The following LEF1 variants were observed in gnomAD, a reference collection of about 807,000 sequenced individuals.
LEF1 encodes the protein lymphoid enhancer binding factor 1, also known as lymphoid enhancer-binding factor 1.
In LEF1, 14 loss-of-function variants were observed where a neutral mutation model predicts 51.2. The observed-to-expected ratio is 0.27, with a 90% CI of 0.18 to 0.43. The LOEUF is 0.43. LEF1 is among the 20% of genes least tolerant of loss of function. The pLI is 1.00. For missense variants in LEF1, 386 were observed against 512.0 expected (o/e 0.75, Z 2.37); for synonymous variants, 185 against 183.2 (o/e 1.01, Z -0.08).
Position 108,099,614 on chromosome 4 carries a change from AT to A in LEF1, c.415-10358del, listed in dbSNP as rs1740672155. 1.0e-4 allele frequency among the ~76,000 whole-genome samples: 13 copies of A among 124,726 alleles called. No individual in the cohort carries two copies. In the East Asian group the frequency reaches 1.4e-3, roughly 13 times the overall value. 81.8% of individuals were successfully genotyped at this position (124,726 alleles called of 152,430 possible). A position where few individuals can be genotyped will look rare whatever the true frequency, so the allele number is the denominator to read the frequency against. Reference sequence around the variant, plus strand: ...TATATATATATATATATATATATATATATAAATAATACTTGAAATTATGGGG... The same window carrying A: ...TATATATATATATATATATATATATAATAAATAATACTTGAAATTATGGGG... On this transcript the variant is annotated intron_variant, in intron 3 of 11. Coordinates refer to ENST00000265165, the MANE Select transcript of LEF1 (RefSeq NM_016269.5).
chr4:108,090,898 T>C (rs1295030540), intron 3 of LEF1, among the ~76,000 whole-genome samples: 1 of 152,222 alleles, frequency 6.6e-6, no homozygotes, highest in East Asian at 1.9e-4. Context: ...AACACAATTA[T>C]ATACCTGTTA....
chr4:108,159,729 C>A (rs527775984), intron 3 of LEF1, among the ~76,000 whole-genome samples: 1 of 152,304 alleles, frequency 6.6e-6, no homozygotes, highest in East Asian at 1.9e-4. Context: ...AGGTATAATT[C>A]TGTTTAATAG....
At chr4:108,121,620 G>C (rs1742186189) in intron 3 of LEF1, among the ~76,000 whole-genome samples, 1 of 152,104 alleles carries the variant, frequency 6.6e-6, no homozygotes, top group African/African-American at 2.4e-5. Flanking sequence ...TTCTGGCCAA[G>C]ATCTTAAAAA....
chr4:108,164,847 C>T (rs1219657512), intron 2 of LEF1, among the ~76,000 whole-genome samples: 3 of 151,994 alleles, frequency 2.0e-5, no homozygotes, highest in Non-Finnish European at 2.9e-5. Flanking sequence ...GTAGACATTC[C>T]CTCTTCCCAA....
At chr4:108,122,266 A>AT (rs1270879565) in intron 3 of LEF1, among the ~76,000 whole-genome samples, 5 of 152,160 alleles carry the variant, frequency 3.3e-5, no homozygotes, top group African/African-American at 7.2e-5. Context: ...TATAGATCTT[A>AT]AAGTTACATT....
chr4:108,163,779 T>C, intron 2 of LEF1, 78 bp from the exon 3 acceptor site: 1 of 1,460,768 alleles, frequency 6.8e-7, no homozygotes, highest in Non-Finnish European at 9.3e-7. Flanking sequence ...GAAAATCTAA[T>C]AGTTCTAAGA....
chr4:108,166,150 T>C, intron 1 of LEF1: 1 of 921,660 alleles, frequency 1.1e-6, no homozygotes, highest in East Asian at 3.0e-5. Flanking sequence ...TCACAAATCT[T>C]TTACGCGGGG....
chr4:108,049,852 CA>C (rs1312152180), intron 11 of LEF1, among the ~76,000 whole-genome samples: 1 of 152,246 alleles, frequency 6.6e-6, no homozygotes, highest in Non-Finnish European at 1.5e-5. Context: ...TGGCAAGTTA[CA>C]GTCCACAGAG....
At chr4:108,109,605 T>A (rs1009550532) in intron 3 of LEF1, among the ~76,000 whole-genome samples, 1 of 152,220 alleles carries the variant, frequency 6.6e-6, no homozygotes, top group African/African-American at 2.4e-5. Flanking sequence ...TAGCAAGTAC[T>A]ATGTAAGTGT....
chr4:108,145,385 C>T (rs1050888859), intron 3 of LEF1, among the ~76,000 whole-genome samples: 14 of 152,004 alleles, frequency 9.2e-5, no homozygotes, highest in Non-Finnish European at 1.3e-4. Flanking sequence ...ACCAAAATAA[C>T]GAGAAATTAT....
At chr4:108,157,296 G>T (rs1288406290) in intron 3 of LEF1, among the ~76,000 whole-genome samples, 1 of 151,660 alleles carries the variant, frequency 6.6e-6, no homozygotes, top group Non-Finnish European at 1.5e-5. Flanking sequence ...AGACTCCTGG[G>T]TTCAAGAGAT....
At chr4:108,126,992 C>G (rs1285278300) in intron 3 of LEF1, among the ~76,000 whole-genome samples, 1 of 151,716 alleles carries the variant, frequency 6.6e-6, no homozygotes, top group Non-Finnish European at 1.5e-5. Flanking sequence ...GAACAACGTT[C>G]GATACAATGT....
At chr4:108,148,482 T>C (rs1031167062) in intron 3 of LEF1, among the ~76,000 whole-genome samples, 12 of 152,164 alleles carry the variant, frequency 7.9e-5, no homozygotes, top group African/African-American at 2.9e-4. Flanking sequence ...GTGAGCAGGC[T>C]AGGCTCTGTT....
At chr4:108,157,179 T>TACACACACACACACACACACAC (rs59867246) in intron 3 of LEF1, among the ~76,000 whole-genome samples, 8 of 116,742 alleles carry the variant, frequency 6.9e-5, no homozygotes, top group Non-Finnish European at 8.5e-5. Context: ...TATATATATA[T>TACACACACACACACACACACAC]ACACACACAC....
At chr4:108,076,104 C>G (rs1339327203) in intron 8 of LEF1, among the ~76,000 whole-genome samples, 1 of 152,156 alleles carries the variant, frequency 6.6e-6, no homozygotes, top group Non-Finnish European at 1.5e-5. Context: ...TCTACCTCTC[C>G]CCATTCGTCT....
Position 108,083,269 on chromosome 4 carries a change from T to TA in LEF1, c.638+86dup. The TA allele has an allele frequency of 3.3e-6, 3 of 902,570 alleles. No homozygotes were observed. In the East Asian group the frequency reaches 7.2e-5, roughly 22 times the overall value. 55.9% of individuals were successfully genotyped at this position (902,570 alleles called of 1,614,324 possible). A position where few individuals can be genotyped will look rare whatever the true frequency, so the allele number is the denominator to read the frequency against. On this transcript the variant is annotated intron_variant, in intron 5 of 11. Transcript: ENST00000265165. ...GAAATTTCTTCAACTCCACAAGTGT[T>TA]ACCATTCATAAATCTAATTTCCATG...
chr4:108,164,747 T>G (rs939480082), intron 2 of LEF1, among the ~76,000 whole-genome samples: 3 of 152,196 alleles, frequency 2.0e-5, no homozygotes, highest in Non-Finnish European at 4.4e-5. Context: ...AATCGATATA[T>G]ACTGTCGTTC....
chr4:108,167,835 T>A lies in LEF1; in HGVS notation c.-68A>T. ...CGCAACAGCAGGAAAGACAGAGGGG[T>A]AACTCAAGGGTGGGGGAGGAAAGGA... On this transcript the variant is annotated 5_prime_UTR_variant, in exon 1 of 12. Coordinates refer to ENST00000265165, the MANE Select transcript of LEF1 (RefSeq NM_016269.5). This position sits in a 1 kb window ranked among gnomAD's most constrained non-coding sequence, Gnocchi z 5.7. The A allele has an allele frequency of 7.2e-7, 1 of 1,392,734 alleles. No homozygotes were observed. The highest frequency in any genetic ancestry group is 1.7e-5 in the Admixed American group (1 of 57,818). The allele number at this position is 1,392,734 out of a possible 1,614,324, so 86.3% of individuals were successfully genotyped here. A position where few individuals can be genotyped will look rare whatever the true frequency, so the allele number is the denominator to read the frequency against.
At chr4:108,134,343 G>A (rs1743106314) in intron 3 of LEF1, among the ~76,000 whole-genome samples, 1 of 152,150 alleles carries the variant, frequency 6.6e-6, no homozygotes, top group Non-Finnish European at 1.5e-5. Context: ...TATCCACTGT[G>A]CCTCCACACG....
Sources: gnomAD v4.1 joint callset for allele counts (sites outside exome capture counted in the v4.1 genomes callset) on GRCh38, gnomAD v4.1.1 for gene constraint, Gnocchi (gnomAD v3.1) non-coding constraint, MANE v1.5 for transcripts, NCBI Gene and HGNC (gene_info 2026-07-23, HGNC 2026-07-21) for gene names.